Variants in THAP4 observed in about 807,000 individuals in gnomAD.
The protein encoded by THAP4 is peroxynitrite isomerase THAP4.
In THAP4, 18 loss-of-function variants were observed where a neutral mutation model predicts 48.1. That is an observed-to-expected ratio of 0.37 (90% CI 0.26 to 0.56). The LOEUF is 0.56. Ranked by LOEUF, THAP4 falls within the 20% of genes least tolerant of loss-of-function variation. The pLI, the probability that THAP4 is intolerant of heterozygous loss-of-function variation, is 0.78. For missense variants in THAP4, 656 were observed against 774.9 expected, an observed-to-expected ratio of 0.85 and a Z score of 1.82; for synonymous variants, 345 against 324.9, an observed-to-expected ratio of 1.06 and a Z score of -0.66.
At chr2:241,599,062 G>A (rs200178080) in intron 5 of THAP4, among the ~76,000 whole-genome samples, 1 of 152,050 alleles carries the variant, frequency 6.6e-6, no homozygotes, top group Non-Finnish European at 1.5e-5. Context: ...GACCAGCCTG[G>A]CCAACATGGT....
intron 5 of THAP4, among the ~76,000 whole-genome samples, chr2:241,590,999 A>ATGATGATGGG (rs2066968112): frequency 1.4e-5 from 2 of 144,482 alleles, no homozygotes; most frequent in African/African-American, 2.5e-5. Flanking sequence ...TGCTCGGCTG[A>ATGATGATGGG]CAATAATGGG....
chr2:241,585,054 G>A (rs2066877167), intron 5 of THAP4: 2 of 264,928 alleles, frequency 7.5e-6, no homozygotes, highest in Non-Finnish European at 1.5e-5. Flanking sequence ...ACTTGGATGG[G>A]AGAAGTCACC....
At chr2:241,623,051 A>G (rs1410066226) in intron 2 of THAP4, among the ~76,000 whole-genome samples, 1 of 151,228 alleles carries the variant, frequency 6.6e-6, no homozygotes, top group Non-Finnish European at 1.5e-5. Flanking sequence ...CCCCGTCTCT[A>G]CTAAAAATAC....
At chr2:241,613,166 T>C (rs935311936) in intron 2 of THAP4, among the ~76,000 whole-genome samples, 1 of 151,982 alleles carries the variant, frequency 6.6e-6, no homozygotes, top group African/African-American at 2.4e-5. Flanking sequence ...CAAGGAGCTT[T>C]GTTTCTATGT....
chr2:241,633,783 G>C lies in THAP4; in HGVS notation c.374C>G (p.Ala125Gly). The C allele has an allele frequency of 1.2e-6, 2 of 1,613,694 alleles. No homozygotes were observed. The highest frequency in any genetic ancestry group is 1.7e-6 in the Non-Finnish European group (2 of 1,179,672). Reference sequence around the variant, plus strand: ...TCCACTCGAGGACGGTGACCAACCTGCAGCTCCTCTGCTGGTGGCGGCACT... The same window carrying C: ...TCCACTCGAGGACGGTGACCAACCTCCAGCTCCTCTGCTGGTGGCGGCACT... ...HSSAATSRGAAGWSPSSSGNP... is the reference protein window; with the variant it reads ...HSSAATSRGAGGWSPSSSGNP... The change falls in exon 2 of 6, where the codon GCA becomes GGA. Residue 125 changes from alanine (A) to glycine (G), a missense_variant. Transcript: ENST00000407315. The surrounding 1 kb of genome is among the most constrained non-coding windows in gnomAD (Gnocchi z 7.5).
chr2:241,597,223 T>G (rs919815354), intron 5 of THAP4, among the ~76,000 whole-genome samples: 1 of 152,152 alleles, frequency 6.6e-6, no homozygotes, highest in Non-Finnish European at 1.5e-5. Flanking sequence ...CTCCGCTGCC[T>G]ACCAGTTTCA....
At position 241,606,273 on chromosome 2, in the gene THAP4, C is replaced by A. The variant is rs974041924; in HGVS notation, c.1400+41G>T. 3.3e-6 allele frequency: 5 copies of A among 1,508,630 alleles called. No individual in the cohort carries two copies. In the South Asian group the frequency reaches 6.3e-5, roughly 19 times the overall value. 93.5% of individuals were successfully genotyped at this position (1,508,630 alleles called of 1,614,324 possible). A position where few individuals can be genotyped will look rare whatever the true frequency, so the allele number is the denominator to read the frequency against. On this transcript the variant is annotated intron_variant, in intron 3 of 5. Transcript: ENST00000407315. ...GAATTATTTTCAGAGACCTAGGCGG[C>A]CCATGAGTCAAGCAGGGTGGGGTGG...
intron 2 of THAP4, chr2:241,617,281 T>C (rs1274182732): frequency 8.7e-6 from 6 of 690,984 alleles, no homozygotes; most frequent in Non-Finnish European, 1.5e-5. Flanking sequence ...CAGGCTTTTC[T>C]AGGCATTTCT....
intron 5 of THAP4, among the ~76,000 whole-genome samples, chr2:241,589,653 C>A (rs900818404): frequency 2.0e-5 from 3 of 151,822 alleles, no homozygotes; most frequent in African/African-American, 7.3e-5. Context: ...TGGTGCTTAC[C>A]ACAGAACCCA....
At chr2:241,595,323 T>A (rs897167452) in intron 5 of THAP4, among the ~76,000 whole-genome samples, 1 of 151,914 alleles carries the variant, frequency 6.6e-6, no homozygotes, top group African/African-American at 2.4e-5. Flanking sequence ...CCCTGCATTA[T>A]ATCTTTAAAG....
intron 5 of THAP4, among the ~76,000 whole-genome samples, chr2:241,590,457 T>C (rs62192978): frequency 3.9e-5 from 5 of 128,318 alleles, no homozygotes; most frequent in African/African-American, 5.8e-5. Flanking sequence ...GCTCGGCTGA[T>C]GATAATGGGC....
At chr2:241,600,415 A>G (rs2067097501) in intron 5 of THAP4, among the ~76,000 whole-genome samples, 1 of 152,072 alleles carries the variant, frequency 6.6e-6, no homozygotes, top group Non-Finnish European at 1.5e-5. Flanking sequence ...GTAAAAAGGA[A>G]AGCTGTAAGA....
chr2:241,592,252 G>A (rs1479901028), intron 5 of THAP4: 2 of 152,380 alleles, frequency 1.3e-5, no homozygotes, highest in Non-Finnish European at 2.9e-5. Context: ...TCGTCTCAGG[G>A]CTGCTGCAAG....
At chr2:241,636,910 G>A in intron 1 of THAP4, 31 bp downstream of exon 1, 2 of 1,203,944 alleles carry the variant, frequency 1.7e-6, no homozygotes, top group Non-Finnish European at 2.1e-6. Flanking sequence ...CCGGGTCGGG[G>A]CGGGGGCGTG....
At chr2:241,635,091 G>C (rs1049570407) in intron 1 of THAP4, among the ~76,000 whole-genome samples, 1 of 152,200 alleles carries the variant, frequency 6.6e-6, no homozygotes, top group African/African-American at 2.4e-5. Context: ...ACAACAACGT[G>C]AATGTATTTG....
At chr2:241,607,454 G>T (rs948607904) in intron 2 of THAP4, among the ~76,000 whole-genome samples, 1 of 151,850 alleles carries the variant, frequency 6.6e-6, no homozygotes, top group African/African-American at 2.4e-5. Flanking sequence ...CATCAGGGGC[G>T]CTGGAAGAGA....
In THAP4 at chr2:241,601,543, G is replaced by A. The variant is rs916608065; in HGVS notation, c.1614+353C>T. 6.6e-6 allele frequency among the ~76,000 whole-genome samples: 1 copy of A among 152,146 alleles called. No homozygotes were observed. The highest frequency in any genetic ancestry group is 6.5e-5 in the Admixed American group (1 of 15,268). ...AATCATGAAGAAATACAATCTAACA[G>A]TGTGTATCAAATTTAAAATGTACCT... On this transcript the variant is annotated intron_variant, in intron 5 of 5. Transcript: ENST00000407315. The surrounding 1 kb of genome is among the most constrained non-coding windows in gnomAD (Gnocchi z 4.0).
intron 5 of THAP4, among the ~76,000 whole-genome samples, chr2:241,588,033 A>AGGG (rs2066913794): frequency 1.4e-5 from 2 of 139,916 alleles, no homozygotes; most frequent in African/African-American, 5.2e-5. Flanking sequence ...GGAAGGAAGG[A>AGGG]AGGGAGGGAG....
chr2:241,611,327 G>C (rs1339261925), intron 2 of THAP4, among the ~76,000 whole-genome samples: 1 of 152,204 alleles, frequency 6.6e-6, no homozygotes, highest in Non-Finnish European at 1.5e-5. Context: ...CGTCTGCCCA[G>C]GACACCCCAG....
Sources: gnomAD v4.1 joint callset for allele counts (sites outside exome capture counted in the v4.1 genomes callset) on GRCh38, gnomAD v4.1.1 for gene constraint, Gnocchi (gnomAD v3.1) non-coding constraint, MANE v1.5 for transcripts, NCBI Gene and HGNC (gene_info 2026-07-23, HGNC 2026-07-21) for gene names.